ZNF804A: variants seen among roughly 807,000 people sequenced by gnomAD.
ZNF804A encodes zinc finger protein 804A.
A neutral mutation model predicts 16.5 loss-of-function variants in ZNF804A; 2 were observed. The observed-to-expected ratio is 0.12, with a 90% CI of 0.05 to 0.38. The LOEUF (loss-of-function observed/expected upper bound fraction) is 0.38, where lower values mean the gene tolerates loss of function less well. Ranked by LOEUF, ZNF804A falls within the 10% of genes least tolerant of loss-of-function variation. The probability of loss-of-function intolerance (pLI) is 0.99; values close to 1 mark genes in which losing one functional copy is unlikely to be tolerated. For synonymous variants in ZNF804A, 534 were observed against 489.6 expected (o/e 1.09, Z -1.20); for missense variants, 1,473 against 1,390.7 (o/e 1.06, Z -0.94).
At chr2:184,910,126 A>T (rs1685333173) in intron 2 of ZNF804A, among the ~76,000 whole-genome samples, 1 of 151,848 alleles carries the variant, frequency 6.6e-6, no homozygotes, top group Admixed American at 6.6e-5. Context: ...TAGTTTCTCA[A>T]TCCTTTCTTC....
chr2:184,681,467 T>C (rs1022230821), intron 1 of ZNF804A, among the ~76,000 whole-genome samples: 1 of 152,220 alleles, frequency 6.6e-6, no homozygotes, highest in Non-Finnish European at 1.5e-5. Context: ...TCGGTGGATC[T>C]ATGGGGAGTG....
intron 1 of ZNF804A, among the ~76,000 whole-genome samples, chr2:184,694,330 C>T (rs536145338): frequency 2.0e-5 from 3 of 152,140 alleles, no homozygotes; most frequent in Admixed American, 1.3e-4. Context: ...AAATGGAGAC[C>T]ACCACAAATT....
chr2:184,620,330 TA>T (rs1164565281), intron 1 of ZNF804A, among the ~76,000 whole-genome samples: 9 of 151,752 alleles, frequency 5.9e-5, no homozygotes, highest in Non-Finnish European at 3.0e-5. Flanking sequence ...AATTTTCTGC[TA>T]AAAAAATTGC....
At chr2:184,819,531 A>G (rs1695037314) in intron 1 of ZNF804A, among the ~76,000 whole-genome samples, 1 of 151,886 alleles carries the variant, frequency 6.6e-6, no homozygotes, top group African/African-American at 2.4e-5. Flanking sequence ...AGAGAAAACA[A>G]ACCCAAAATC....
At chr2:184,932,903 T>C (rs1385206922) in intron 2 of ZNF804A, among the ~76,000 whole-genome samples, 2 of 152,070 alleles carry the variant, frequency 1.3e-5, no homozygotes, top group African/African-American at 2.4e-5. Context: ...ATACCCAAGG[T>C]AGTAAGAATT....
intron 1 of ZNF804A, among the ~76,000 whole-genome samples, chr2:184,611,964 C>T (rs928292300): frequency 1.3e-5 from 2 of 152,130 alleles, no homozygotes; most frequent in African/African-American, 4.8e-5. Flanking sequence ...TTAGGTGTCA[C>T]TCTTGGCTGT....
intron 1 of ZNF804A, 82 bp from the exon 2 acceptor site, chr2:184,866,287 T>C: frequency 7.8e-7 from 1 of 1,280,542 alleles, no homozygotes; most frequent in Admixed American, 2.2e-5. Context: ...CTCTAATTAT[T>C]GTACTATAGT....
At chr2:184,801,844 C>T (rs967406160) in intron 1 of ZNF804A, among the ~76,000 whole-genome samples, 1 of 151,180 alleles carries the variant, frequency 6.6e-6, no homozygotes, top group Non-Finnish European at 1.5e-5. Flanking sequence ...TTTTTGTCTG[C>T]ATTGTAATTT....
At chr2:184,607,011 G>A (rs72897733) in intron 1 of ZNF804A, among the ~76,000 whole-genome samples, 16,559 of 152,222 alleles carry the variant, frequency 0.11, 1,170 homozygotes, top group Non-Finnish European at 0.16. Flanking sequence ...ATGCATTGAT[G>A]TTGATAACTA....
rs181828381 is a variant in ZNF804A at position 184,771,802 on chromosome 2, A to C, written c.112-94567A>C. On this transcript the variant is annotated intron_variant, in intron 1 of 3. Coordinates refer to ENST00000302277, the MANE Select transcript of ZNF804A (RefSeq NM_194250.2). ...ACGATGATGCCCACTTGCTTTATCA[A>C]GGCCACTAGGAGAGTGAGAAAAACT... 5.3e-4 allele frequency among the ~76,000 whole-genome samples: 81 copies of C among 152,132 alleles called. 2 individuals carry two copies. Among genetic ancestry groups the C allele is most frequent in the African/African-American group, 1.7e-3 (69 of 41,538 alleles).
Position 184,921,331 on chromosome 2 carries a change from T to A in ZNF804A, c.256-12272T>A, listed in dbSNP as rs187383334. Among the ~76,000 whole-genome samples the A allele has an allele frequency of 6.4e-4, 97 of 151,372 alleles. 2 individuals are homozygous for A. The South Asian group carries it at 6.5e-3, about 10-fold the overall frequency. ...GAATATTATCAAAATATTAGGTGAG[T>A]TTTTTTTTACCTTGGTATCAGGAAG... On this transcript the variant is annotated intron_variant, in intron 2 of 3. Transcript: ENST00000302277.
chr2:184,716,012 T>C (rs368004532), intron 1 of ZNF804A, among the ~76,000 whole-genome samples: 2 of 152,186 alleles, frequency 1.3e-5, no homozygotes, highest in Non-Finnish European at 2.9e-5. Flanking sequence ...TTTGGGAGAA[T>C]GAGCCCAACC....
intron 1 of ZNF804A, among the ~76,000 whole-genome samples, chr2:184,795,003 A>G (rs1694609083): frequency 6.6e-6 from 1 of 152,172 alleles, no homozygotes; most frequent in Non-Finnish European, 1.5e-5. Context: ...TGACAGCCCT[A>G]GACAGGTCGT....
At chr2:184,713,012 T>C (rs1237695421) in intron 1 of ZNF804A, among the ~76,000 whole-genome samples, 1 of 151,816 alleles carries the variant, frequency 6.6e-6, no homozygotes, top group Non-Finnish European at 1.5e-5. Context: ...TTTATAGATT[T>C]CCATTTCTAA....
At chr2:184,640,419 TACAA>T (rs1441170859) in intron 1 of ZNF804A, among the ~76,000 whole-genome samples, 1 of 152,118 alleles carries the variant, frequency 6.6e-6, no homozygotes, top group Non-Finnish European at 1.5e-5. Context: ...ATAAACATTT[TACAA>T]ACAAATAGTA....
At chr2:184,801,698 T>G (rs1456529391) in intron 1 of ZNF804A, among the ~76,000 whole-genome samples, 1 of 152,216 alleles carries the variant, frequency 6.6e-6, no homozygotes, top group Non-Finnish European at 1.5e-5. Flanking sequence ...TGCATGTTAT[T>G]TTTTTGTCTT....
intron 1 of ZNF804A, among the ~76,000 whole-genome samples, chr2:184,634,604 T>C (rs1294616941): frequency 6.6e-6 from 1 of 152,058 alleles, no homozygotes. Flanking sequence ...GATTTGAAGA[T>C]GCTGTACTGT....
At chr2:184,660,917 T>G (rs1177956522) in intron 1 of ZNF804A, among the ~76,000 whole-genome samples, 1 of 152,270 alleles carries the variant, frequency 6.6e-6, no homozygotes, top group Non-Finnish European at 1.5e-5. Context: ...GGTAACTCTA[T>G]TCTCATTAAT....
At chr2:184,703,506 C>T (rs923843833) in intron 1 of ZNF804A, among the ~76,000 whole-genome samples, 1 of 151,184 alleles carries the variant, frequency 6.6e-6, no homozygotes, top group Admixed American at 6.6e-5. Context: ...ATCGAGACCA[C>T]GGTGAAACCC....
Sources: gnomAD v4.1 joint callset for allele counts (sites outside exome capture counted in the v4.1 genomes callset) on GRCh38, gnomAD v4.1.1 for gene constraint, MANE v1.5 for transcripts, NCBI Gene and HGNC (gene_info 2026-07-23, HGNC 2026-07-21) for gene names.